Variants in GDPD4 observed in about 807,000 individuals in gnomAD.
GDPD4 encodes the protein glycerophosphodiester phosphodiesterase 6.
A neutral mutation model predicts 67.8 loss-of-function variants in GDPD4; 60 were observed. The ratio of observed to expected loss-of-function variants is 0.88; its 90% confidence interval spans 0.72 to 1.10. GDPD4 has a LOEUF of 1.10. GDPD4 is among the 50% of genes least tolerant of loss of function. GDPD4 has a pLI of 0.00. For missense variants in GDPD4, 623 were observed against 613.9 expected, an observed-to-expected ratio of 1.01 and a Z score of -0.16; for synonymous variants, 212 against 210.9, an observed-to-expected ratio of 1.00 and a Z score of -0.04.
intron 13 of GDPD4, among the ~76,000 whole-genome samples, chr11:77,236,701 A>G (rs1036710562): frequency 3.3e-5 from 5 of 151,896 alleles, no homozygotes; most frequent in Non-Finnish European, 5.9e-5. Context: ...AATGCACCCA[A>G]TAAAAGAGTT....
chr11:77,288,739 A>G (rs1315953529), intron 1 of GDPD4, among the ~76,000 whole-genome samples: 2 of 152,238 alleles, frequency 1.3e-5, no homozygotes, highest in African/African-American at 4.8e-5. Flanking sequence ...TAAGGACACA[A>G]AAAACATGAA....
chr11:77,220,991 G>A (rs1208919999), intron 16 of GDPD4, among the ~76,000 whole-genome samples: 1 of 151,856 alleles, frequency 6.6e-6, no homozygotes, highest in Non-Finnish European at 1.5e-5. Flanking sequence ...GTCGTGGGAG[G>A]GTGTCCAGGA....
intron 8 of GDPD4, 67 bp downstream of exon 8, chr11:77,269,816 C>T (rs1340051558): frequency 3.7e-6 from 3 of 821,586 alleles, no homozygotes; most frequent in African/African-American, 1.7e-5. Flanking sequence ...GAATTTTACC[C>T]ATTTGTACAT....
chr11:77,251,172 G>A (rs929266101), intron 11 of GDPD4, among the ~76,000 whole-genome samples: 7 of 152,070 alleles, frequency 4.6e-5, no homozygotes, highest in Non-Finnish European at 1.0e-4. Flanking sequence ...ACTTACTGTA[G>A]TCATTTTGTT....
At chr11:77,242,202 G>A (rs1958680790) in intron 13 of GDPD4, among the ~76,000 whole-genome samples, 1 of 151,828 alleles carries the variant, frequency 6.6e-6, no homozygotes, top group Admixed American at 6.6e-5. Context: ...AAAAAGATAT[G>A]ATATATGTTA....
At position 77,279,384 on chromosome 11, in the gene GDPD4, T is replaced by G; in HGVS notation, c.69A>C (p.Gly23=). The change falls in exon 4 of 17, where the codon GGA becomes GGC. Residue 23 remains glycine (G), a synonymous_variant. Coordinates refer to ENST00000315938, the MANE Select transcript of GDPD4 (RefSeq NM_182833.3). The stretch of plus-strand genomic sequence containing the variant: ...TAGACCAGAAAAACCAGTATCCTGT[T>G]CCTAGAAAAGTGACCCTGAAAAAAA... ...YFNFDWVTFL[G]TGYWFFWSIF... is the part of the protein sequence containing the mutation. The G allele has an allele frequency of 6.2e-7, 1 of 1,610,024 alleles. No individual in the cohort carries two copies. The highest frequency in any genetic ancestry group is 8.5e-7 in the Non-Finnish European group (1 of 1,176,568).
At chr11:77,265,222 TG>T (rs1959172844) in intron 10 of GDPD4, among the ~76,000 whole-genome samples, 1 of 152,138 alleles carries the variant, frequency 6.6e-6, no homozygotes, top group Non-Finnish European at 1.5e-5. Flanking sequence ...ATCTGTCTTA[TG>T]TCAATTTAAT....
At chr11:77,300,555 G>GA (rs1409580738) in intron 1 of GDPD4, among the ~76,000 whole-genome samples, 4 of 151,270 alleles carry the variant, frequency 2.6e-5, no homozygotes, top group East Asian at 1.9e-4. Flanking sequence ...AGAATAAGCA[G>GA]AAAAAAAGTC....
chr11:77,228,474 T>C (rs1435002863), intron 15 of GDPD4, among the ~76,000 whole-genome samples: 2 of 105,844 alleles, frequency 1.9e-5, no homozygotes, highest in Admixed American at 1.5e-4. Context: ...TACTCCAGCC[T>C]GGGTGACAGA....
intron 1 of GDPD4, among the ~76,000 whole-genome samples, chr11:77,290,617 G>A (rs1937740353): frequency 6.6e-6 from 1 of 152,186 alleles, no homozygotes; most frequent in African/African-American, 2.4e-5. Context: ...CAAGAGGAAT[G>A]TTGAGAGGGA....
chr11:77,242,552 G>GCTACTTT (rs1300353984), intron 13 of GDPD4, among the ~76,000 whole-genome samples: 11 of 152,158 alleles, frequency 7.2e-5, no homozygotes, highest in African/African-American at 2.6e-4. Context: ...AGTAGCTGAT[G>GCTACTTT]GCTAGGCCAG....
chr11:77,218,389 A>G (rs963345315), intron 16 of GDPD4, among the ~76,000 whole-genome samples: 2 of 152,008 alleles, frequency 1.3e-5, no homozygotes, highest in African/African-American at 2.4e-5. Context: ...TAGGATAGTT[A>G]CCGCTCTTTT....
chr11:77,219,635 ATCCT>A (rs1392512277), intron 16 of GDPD4, among the ~76,000 whole-genome samples: 1 of 152,182 alleles, frequency 6.6e-6, no homozygotes, highest in Non-Finnish European at 1.5e-5. Context: ...TAAATAGGGA[ATCCT>A]TTCCCCATTT....
chr11:77,256,186 A>T (rs1180304064), intron 11 of GDPD4, among the ~76,000 whole-genome samples: 4 of 152,248 alleles, frequency 2.6e-5, no homozygotes. Flanking sequence ...GTAAATCCTA[A>T]TAAGACTTTT....
At chr11:77,240,768 T>C (rs1958647873) in intron 13 of GDPD4, among the ~76,000 whole-genome samples, 1 of 152,082 alleles carries the variant, frequency 6.6e-6, no homozygotes, top group Admixed American at 6.6e-5. Context: ...GCTAAGGACC[T>C]GAAGAGATAT....
At chr11:77,249,760 G>T (rs905351867) in intron 11 of GDPD4, among the ~76,000 whole-genome samples, 1 of 152,144 alleles carries the variant, frequency 6.6e-6, no homozygotes, top group African/African-American at 2.4e-5. Context: ...TGAGATACGT[G>T]ATTATGTTGC....
chr11:77,287,539 CA>C (rs1565544905), intron 1 of GDPD4, 119 bp from the exon 2 acceptor site: 1 of 152,050 alleles, frequency 6.6e-6, no homozygotes, highest in Non-Finnish European at 1.5e-5. Flanking sequence ...TGTTTATAAT[CA>C]AAGGTAATAT....
rs188114247 is a variant in GDPD4, at chr11:77,265,458, C to A, written c.707+2999G>T. On this transcript the variant is annotated intron_variant, in intron 10 of 16. Coordinates refer to ENST00000315938, the MANE Select transcript of GDPD4 (RefSeq NM_182833.3). ...ATATCTTTTCTTAAGAAAGCTAACGCAATTCTTTTCTTTAAATTCTATTTT... is the reference window on the plus strand; with the variant it reads ...ATATCTTTTCTTAAGAAAGCTAACGAAATTCTTTTCTTTAAATTCTATTTT... 3.4e-3 allele frequency among the ~76,000 whole-genome samples: 510 copies of A among 152,168 alleles called. 1 individual carries two copies. Among genetic ancestry groups the A allele is most frequent in the African/African-American group, 0.011 (474 of 41,530 alleles).
At chr11:77,276,935 G>A (rs937012038) in intron 4 of GDPD4, among the ~76,000 whole-genome samples, 2 of 151,674 alleles carry the variant, frequency 1.3e-5, no homozygotes, top group Non-Finnish European at 2.9e-5. Context: ...ATGAAACTGA[G>A]GTCAGAAGAG....
Sources: allele counts gnomAD v4.1 joint callset (sites outside exome capture counted in the v4.1 genomes callset), GRCh38; gene constraint gnomAD v4.1.1; transcripts MANE v1.5; gene names NCBI Gene and HGNC (gene_info 2026-07-23, HGNC 2026-07-21).